Variants in RIPOR1 observed in about 807,000 individuals in gnomAD.
The protein encoded by RIPOR1 is rho family-interacting cell polarization regulator 1.
Under a neutral mutation model 116.5 loss-of-function variants are expected in RIPOR1, and 58 were observed. The ratio of observed to expected loss-of-function variants is 0.50; its 90% CI spans 0.40 to 0.62. RIPOR1 has a LOEUF of 0.62. Ranked by LOEUF, RIPOR1 falls within the 20% of genes least tolerant of loss-of-function variation. The pLI is 0.00. For missense variants in RIPOR1, 1,372 were observed against 1,586.2 expected (o/e 0.86, Z 2.29); for synonymous variants, 605 against 650.0 (o/e 0.93, Z 1.05).
Position 67,542,625 on chromosome 16 carries a change from A to G in RIPOR1, c.1839A>G (p.Ala613=). The G allele has an allele frequency of 6.2e-7, 1 of 1,613,520 alleles. No homozygotes were observed. Among genetic ancestry groups the G allele is most frequent in the Non-Finnish European group, 8.5e-7 (1 of 1,179,806 alleles). ...TGCCAAGCCCTACCCATACCACAGC[A>G]AGCCCCACTCATACTTCCACAAGCC... ...HTMPSPTHTT[A]SPTHTSTSPT... The change falls in exon 13 of 22, where the codon GCA becomes GCG. Residue 613 remains alanine (A), a synonymous_variant. Transcript: ENST00000042381. This position sits in a 1 kb window ranked among gnomAD's most constrained non-coding sequence, Gnocchi z 4.6.
Position 67,538,326 on chromosome 16 carries a change from T to C in RIPOR1, c.-23-98T>C, listed in dbSNP as rs2050861483. 5 of 1,447,384 alleles carry C rather than the reference T, an allele frequency of 3.5e-6. No homozygotes were observed. In the East Asian group the frequency reaches 1.3e-4, roughly 37 times the overall value. The allele number at this position is 1,447,384 out of a possible 1,614,324, so 89.7% of individuals were successfully genotyped here. On this transcript the variant is annotated intron_variant, in intron 1 of 21. Transcript: ENST00000042381. ...CGGAGCCCGCTGGGGCAGCTGTGCC[T>C]AGCGACAGGAAAGACCTGCGCCAGC...
chr16:67,540,337 TG>T lies in RIPOR1; in HGVS notation c.608del (p.Gly203AlafsTer7). Reference protein sequence around the residue: ...CLLESELEAQLGEFHLRMKGL... With the variant: ...CLLESELEAQXGEFHLRMKGL... ...CTGGAGAGCGAGCTGGAGGCACAGC[TG>T]GGCGAGTTTCATCTCCGAATGAAAG... On this transcript the variant is annotated frameshift_variant, in exon 8 of 22. Transcript: ENST00000042381. LOFTEE classifies it high-confidence loss of function. This position sits in a 1 kb window ranked among gnomAD's most constrained non-coding sequence, Gnocchi z 4.7. The T allele has an allele frequency of 6.2e-7, 1 of 1,614,052 alleles. No homozygotes were observed. The highest frequency in any genetic ancestry group is 1.1e-5 in the South Asian group (1 of 91,090).
Position 67,540,794 on chromosome 16 carries a change from C to T in RIPOR1, c.801+90C>T. The T allele has an allele frequency of 7.9e-7, 1 of 1,263,988 alleles. No individual in the cohort carries two copies. The highest frequency in any genetic ancestry group is 1.4e-5 in the South Asian group (1 of 69,654). 78.3% of individuals were successfully genotyped at this position (1,263,988 alleles called of 1,614,324 possible). On this transcript the variant is annotated intron_variant, in intron 10 of 21. Coordinates refer to ENST00000042381, the MANE Select transcript of RIPOR1 (RefSeq NM_024519.4). This position sits in a 1 kb window ranked among gnomAD's most constrained non-coding sequence, Gnocchi z 4.7. ...CCTGAGTCCCTTACTCCTGTGATCC[C>T]CTCATAGCTCCATAGCCCTGTGAAG...
At position 67,537,568 on chromosome 16, in the gene RIPOR1, C is replaced by T; in HGVS notation, c.-23-856C>T. On this transcript the variant is annotated intron_variant, in intron 1 of 21. Transcript: ENST00000042381. This position sits in a 1 kb window ranked among gnomAD's most constrained non-coding sequence, Gnocchi z 4.6. Reference sequence around the variant, plus strand: ...GGGCGAGCGCGGGTCGGGGGCCGTCCCGGACCCACCATGAACACCAAGAAG... The same window carrying T: ...GGGCGAGCGCGGGTCGGGGGCCGTCTCGGACCCACCATGAACACCAAGAAG... The T allele has an allele frequency of 7.1e-7, 1 of 1,409,412 alleles. No homozygotes were observed. Among genetic ancestry groups the T allele is most frequent in the Non-Finnish European group, 9.3e-7 (1 of 1,080,132 alleles). 87.3% of individuals were successfully genotyped at this position (1,409,412 alleles called of 1,614,324 possible).
In RIPOR1 at chr16:67,544,575, GAGTATC is replaced by G. The variant is rs1567577974; in HGVS notation, c.2734-119_2734-114del. The G allele has an allele frequency of 6.5e-7, 1 of 1,545,090 alleles. No individual in the cohort carries two copies. ...CTTGGCATCTGGCCCTTGCTGAATG[GAGTATC>G]TCCCAACTCTGCAACCCCAACCTCC... On this transcript the variant is annotated intron_variant, in intron 15 of 21. Transcript: ENST00000042381. This position sits in a 1 kb window ranked among gnomAD's most constrained non-coding sequence, Gnocchi z 5.1.
In RIPOR1 at chr16:67,546,492, C is replaced by CT; in HGVS notation, c.*32dup. The CT allele has an allele frequency of 1.1e-5, 18 of 1,585,860 alleles. No homozygotes were observed. The highest frequency in any genetic ancestry group is 1.6e-5 in the Non-Finnish European group (18 of 1,156,002). ...ATTCACCCATGGGTTCCTGGTGCCC[C>CT]TTTCCCCCCACTTTCAGGGCTCACC... On this transcript the variant is annotated 3_prime_UTR_variant, in exon 22 of 22. Coordinates refer to ENST00000042381, the MANE Select transcript of RIPOR1 (RefSeq NM_024519.4).
At chr16:67,522,928 T>C (rs927951139) in intron 1 of RIPOR1, among the ~76,000 whole-genome samples, 4 of 152,150 alleles carry the variant, frequency 2.6e-5, no homozygotes, top group African/African-American at 9.7e-5. Context: ...CTGACCAACC[T>C]GACGAAAGCA....
rs2142505356 is a variant in RIPOR1 at position 67,537,941 on chromosome 16, A to T, written c.-23-483A>T. 1 of 245,698 alleles carries T rather than the reference A, an allele frequency of 4.1e-6. No individual in the cohort carries two copies. Among genetic ancestry groups the T allele is most frequent in the African/African-American group, 2.3e-5 (1 of 44,432 alleles). 15.2% of individuals were successfully genotyped at this position (245,698 alleles called of 1,614,324 possible). On this transcript the variant is annotated intron_variant, in intron 1 of 21. Coordinates refer to ENST00000042381, the MANE Select transcript of RIPOR1 (RefSeq NM_024519.4). This position sits in a 1 kb window ranked among gnomAD's most constrained non-coding sequence, Gnocchi z 4.6. ...CCCGCACCGGCTGGGCCTGTCGGGC[A>T]GCTCCGCAGGGCTCCGAGCGTGGCC...
Position 67,537,661 on chromosome 16 carries a change from G to T in RIPOR1, c.-23-763G>T. 1 of 1,194,802 alleles carries T rather than the reference G, an allele frequency of 8.4e-7. No individual in the cohort carries two copies. The highest frequency in any genetic ancestry group is 1.1e-6 in the Non-Finnish European group (1 of 911,958). The allele number at this position is 1,194,802 out of a possible 1,614,324, so 74.0% of individuals were successfully genotyped here. On this transcript the variant is annotated intron_variant, in intron 1 of 21. Transcript: ENST00000042381. This position sits in a 1 kb window ranked among gnomAD's most constrained non-coding sequence, Gnocchi z 4.6. The stretch of plus-strand genomic sequence containing the variant: ...GCCCCAGGGGAAGCAGGCCGGGTTT[G>T]GGGGCCAGGAGTGTGTGTTTCGCCG...
rs1423765968 is a variant in RIPOR1 at position 67,546,415 on chromosome 16, C to T, written c.3612C>T (p.Ala1204=). 6 of 1,614,084 alleles carry T rather than the reference C, an allele frequency of 3.7e-6. No homozygotes were observed. Among genetic ancestry groups the T allele is most frequent in the Non-Finnish European group, 5.1e-6 (6 of 1,180,032 alleles). Residue 1204 remains alanine (A), a synonymous_variant, in exon 22 of 22, where the codon GCC becomes GCT. Transcript: ENST00000042381. ...GACGGCTGGAGGAGTCCCTGGACGCCCTGCCCCGCATCTTTGGGCCTGGCA... is the reference window on the plus strand; with the variant it reads ...GACGGCTGGAGGAGTCCCTGGACGCTCTGCCCCGCATCTTTGGGCCTGGCA... ...AHRRLEESLD[A]LPRIFGPGSM...
At position 67,542,944 on chromosome 16, in the gene RIPOR1, A is replaced by G. The variant is rs1160400112; in HGVS notation, c.2158A>G (p.Met720Val). The G allele has an allele frequency of 6.3e-7, 1 of 1,591,102 alleles. No individual in the cohort carries two copies. The highest frequency in any genetic ancestry group is 8.6e-7 in the Non-Finnish European group (1 of 1,167,288). The change falls in exon 13 of 22, where the codon ATG (methionine) becomes GTG (valine). Residue 720 changes from methionine (M) to valine (V), a missense_variant. Physicochemically the swap from Met to Val is conservative, Grantham distance 21 (BLOSUM62 1). Transcript: ENST00000042381. This position sits in a 1 kb window ranked among gnomAD's most constrained non-coding sequence, Gnocchi z 4.6. ...CAATTCCTACACTCAGGCAGACCCT[A>G]TGGCCCCCAGAACTCCCCACCCAAG... The part of the protein sequence containing the change: ...VSNSYTQADP[M>V]APRTPHPSPA...
rs1334025029 is a variant in RIPOR1 at position 67,529,891 on chromosome 16, T to A, written c.-24+977T>A. 1.4e-6 allele frequency: 2 copies of A among 1,420,268 alleles called. No individual in the cohort carries two copies. Among genetic ancestry groups the A allele is most frequent in the Admixed American group, 3.9e-5 (2 of 50,818 alleles). 88.0% of individuals were successfully genotyped at this position (1,420,268 alleles called of 1,614,324 possible). A position where few individuals can be genotyped will look rare whatever the true frequency, so the allele number is the denominator to read the frequency against. ...AGTATTCTCAAGGTCACACAGCTGG[T>A]TTGGGAGAAGCGAGGATTAGATCTG... On this transcript the variant is annotated intron_variant, in intron 1 of 21. Transcript: ENST00000042381. This position sits in a 1 kb window ranked among gnomAD's most constrained non-coding sequence, Gnocchi z 4.1.
chr16:67,541,774 GCTTT>G lies in RIPOR1; in HGVS notation c.1075_1078del (p.Phe359IlefsTer89). 2 of 1,614,026 alleles carry G rather than the reference GCTTT, an allele frequency of 1.2e-6. No homozygotes were observed. Among genetic ancestry groups the G allele is most frequent in the Non-Finnish European group, 1.7e-6 (2 of 1,179,976 alleles). ...GGACACACCCTCACTTCGGGAACAGGCTTTCTATGTGAGTCATAGCCCAGGTCCA... is the reference window on the plus strand; with the variant it reads ...GGACACACCCTCACTTCGGGAACAGGCTATGTGAGTCATAGCCCAGGTCCA... On this transcript the variant is annotated frameshift_variant, in exon 12 of 22. Coordinates refer to ENST00000042381, the MANE Select transcript of RIPOR1 (RefSeq NM_024519.4). LOFTEE classifies it high-confidence loss of function. This position sits in a 1 kb window ranked among gnomAD's most constrained non-coding sequence, Gnocchi z 4.6.
At chr16:67,536,216 G>C (rs973330048) in intron 1 of RIPOR1, among the ~76,000 whole-genome samples, 2 of 152,210 alleles carry the variant, frequency 1.3e-5, no homozygotes, top group Non-Finnish European at 2.9e-5. Flanking sequence ...GGGAGAATGA[G>C]GCAGGCTGAT....
chr16:67,534,800 A>C (rs1307937596), intron 1 of RIPOR1, among the ~76,000 whole-genome samples: 1 of 149,034 alleles, frequency 6.7e-6, no homozygotes, highest in Non-Finnish European at 1.5e-5. Flanking sequence ...ATTCATTGAC[A>C]GGCATCTGGA....
intron 1 of RIPOR1, among the ~76,000 whole-genome samples, chr16:67,521,508 A>T (rs1380589821): frequency 6.6e-6 from 1 of 152,226 alleles, no homozygotes; most frequent in Non-Finnish European, 1.5e-5. Flanking sequence ...CCAGGGGAGC[A>T]GTTCATCCCA....
Position 67,537,487 on chromosome 16 carries a change from CGAGCCCG to C in RIPOR1, c.-23-930_-23-924del. 4 of 1,257,362 alleles carry C rather than the reference CGAGCCCG, an allele frequency of 3.2e-6. No homozygotes were observed. In the South Asian group the frequency reaches 1.2e-4, roughly 36 times the overall value. 77.9% of individuals were successfully genotyped at this position (1,257,362 alleles called of 1,614,324 possible). ...GAAGCCGAGCCAGAGCCGCTGGGAGCGAGCCCGGAGCCCAGCCGGGCGGCTCGAAGTG... is the reference window on the plus strand; with the variant it reads ...GAAGCCGAGCCAGAGCCGCTGGGAGCGAGCCCAGCCGGGCGGCTCGAAGTG... On this transcript the variant is annotated intron_variant, in intron 1 of 21. Coordinates refer to ENST00000042381, the MANE Select transcript of RIPOR1 (RefSeq NM_024519.4). This position sits in a 1 kb window ranked among gnomAD's most constrained non-coding sequence, Gnocchi z 4.6.
In RIPOR1 at chr16:67,538,797, T is replaced by C. The variant is rs747177030; in HGVS notation, c.230T>C (p.Val77Ala). Reference protein sequence around the residue: ...KVPQPERLDLVYTALKRGLTA... With the variant: ...KVPQPERLDLAYTALKRGLTA... ...CCGCAGCCCGAGCGGCTGGACCTGG[T>C]GTACACGGCGCTGAAGCGGGGCCTG... The change falls in exon 3 of 22, where the codon GTG becomes GCG. Residue 77 changes from valine to alanine, a missense_variant. Val to Ala is a moderately conservative substitution (Grantham distance 64). Around this residue, in one of 3 missense-constraint regions of RIPOR1, gnomAD observed 165 missense variants for 145.5 expected, o/e 1.13. Coordinates refer to ENST00000042381, the MANE Select transcript of RIPOR1 (RefSeq NM_024519.4). 1 of 1,613,280 alleles carries C rather than the reference T, an allele frequency of 6.2e-7. No homozygotes were observed. Among genetic ancestry groups the C allele is most frequent in the Non-Finnish European group, 8.5e-7 (1 of 1,179,966 alleles).
rs759299458 is a variant in RIPOR1 at position 67,546,365 on chromosome 16, G to A, written c.3563-1G>A. The stretch of plus-strand genomic sequence containing the variant: ...CTTGACCTCATCCTCACTCATTACA[G>A]GAGAAGAGGGACAGTCTGCCCATCG... On this transcript the variant is annotated splice_acceptor_variant, in intron 21 of 21. Transcript: ENST00000042381. LOFTEE classifies it high-confidence loss of function. 1 of 1,613,834 alleles carries A rather than the reference G, an allele frequency of 6.2e-7. No individual in the cohort carries two copies. The highest frequency in any genetic ancestry group is 1.1e-5 in the South Asian group (1 of 91,080).
Sources: allele counts gnomAD v4.1 joint callset (sites outside exome capture counted in the v4.1 genomes callset), GRCh38; gene constraint gnomAD v4.1.1; regional missense constraint gnomAD v4.1.1; non-coding constraint Gnocchi (gnomAD v3.1); transcripts MANE v1.5; gene names NCBI Gene and HGNC (gene_info 2026-07-23, HGNC 2026-07-21).